STRN3: variants seen among roughly 807,000 people sequenced by gnomAD.
The protein encoded by STRN3 is striatin-3.
In STRN3, 29 loss-of-function variants were observed where a neutral mutation model predicts 95.6. That is an observed-to-expected ratio of 0.30 (90% CI 0.23 to 0.41). STRN3 has a LOEUF of 0.41. STRN3 is among the 10% of genes least tolerant of loss of function. The probability of loss-of-function intolerance (pLI) is 1.00; values close to 1 mark genes in which losing one functional copy is unlikely to be tolerated. For synonymous variants in STRN3, 331 were observed against 357.6 expected (o/e 0.93, Z 0.84); for missense variants, 890 against 972.1 (o/e 0.92, Z 1.12).
At chr14:31,015,492 C>A (rs1486469717) in intron 1 of STRN3, among the ~76,000 whole-genome samples, 2 of 152,006 alleles carry the variant, frequency 1.3e-5, no homozygotes, top group Non-Finnish European at 2.9e-5. Flanking sequence ...CCTGTCTCAG[C>A]CTCCTGAGTA....
chr14:31,020,820 C>G (rs1444222202), intron 1 of STRN3, among the ~76,000 whole-genome samples: 4 of 151,952 alleles, frequency 2.6e-5, no homozygotes, highest in Non-Finnish European at 5.9e-5. Flanking sequence ...GCAGGAGGAT[C>G]AGTTGAGCTC....
intron 1 of STRN3, among the ~76,000 whole-genome samples, chr14:30,979,976 C>G (rs962233267): frequency 3.1e-5 from 4 of 127,436 alleles, no homozygotes; most frequent in Non-Finnish European, 7.0e-5. Flanking sequence ...AGGCCAGGTG[C>G]GGTGGCTCAC....
At chr14:31,008,870 C>T (rs1004394025) in intron 1 of STRN3, among the ~76,000 whole-genome samples, 1 of 151,686 alleles carries the variant, frequency 6.6e-6, no homozygotes, top group East Asian at 2.0e-4. Flanking sequence ...GAAACCTTGT[C>T]TCTACAAAAA....
At chr14:31,016,606 C>T (rs1883247699) in intron 1 of STRN3, among the ~76,000 whole-genome samples, 1 of 152,024 alleles carries the variant, frequency 6.6e-6, no homozygotes, top group African/African-American at 2.4e-5. Context: ...TGCAGTGGCG[C>T]GATCTCGACT....
chr14:30,932,337 T>A (rs918288003), intron 7 of STRN3: 2 of 152,166 alleles, frequency 1.3e-5, no homozygotes, highest in Non-Finnish European at 2.9e-5. Flanking sequence ...TTCTGGCAAA[T>A]GAATTCCATA....
intron 1 of STRN3, among the ~76,000 whole-genome samples, chr14:31,011,205 T>C (rs994465512): frequency 6.6e-6 from 1 of 152,198 alleles, no homozygotes; most frequent in African/African-American, 2.4e-5. Context: ...TCCTGTGGAC[T>C]TTTTCTGCAT....
At chr14:30,983,700 TAAG>T (rs1881522925) in intron 1 of STRN3, among the ~76,000 whole-genome samples, 2 of 152,156 alleles carry the variant, frequency 1.3e-5, no homozygotes, top group Non-Finnish European at 1.5e-5. Context: ...TTAAGAGAGT[TAAG>T]AAAGTAAAGA....
chr14:30,912,243 G>C, intron 10 of STRN3, 61 bp from the exon 11 acceptor site: 2 of 1,496,158 alleles, frequency 1.3e-6, no homozygotes, highest in Non-Finnish European at 1.8e-6. Context: ...CATGTGGAGT[G>C]TTTGTTCGTT....
chr14:31,009,415 G>GGTTATCACCTGCCTC (rs1566490263), intron 1 of STRN3, among the ~76,000 whole-genome samples: 58 of 152,120 alleles, frequency 3.8e-4, no homozygotes, highest in Non-Finnish European at 7.5e-4. Flanking sequence ...GCCTCCAAAT[G>GGTTATCACCTGCCTC]TGATAACCAA....
At chr14:30,984,127 G>GCCC (rs59078202) in intron 1 of STRN3, among the ~76,000 whole-genome samples, 856 of 81,398 alleles carry the variant, frequency 0.011, 16 homozygotes, top group African/African-American at 0.027. Flanking sequence ...CATCTTCCCC[G>GCCC]CCCCCCCCAA....
intron 1 of STRN3, among the ~76,000 whole-genome samples, chr14:30,985,245 T>C (rs1881624380): frequency 6.7e-6 from 1 of 149,234 alleles, no homozygotes; most frequent in Non-Finnish European, 1.5e-5. Flanking sequence ...GAGGCAGAGG[T>C]TGCAGTGAGC....
At chr14:31,002,460 G>GT (rs1430867362) in intron 1 of STRN3, among the ~76,000 whole-genome samples, 2 of 106,214 alleles carry the variant, frequency 1.9e-5, no homozygotes, top group Non-Finnish European at 3.6e-5. Context: ...GACAGAGGAA[G>GT]ACTCTGTCTC....
intron 1 of STRN3, among the ~76,000 whole-genome samples, chr14:30,973,534 T>C (rs531451352): frequency 3.9e-5 from 6 of 152,316 alleles, no homozygotes; most frequent in African/African-American, 1.4e-4. Context: ...CACTGGTGAA[T>C]TCCACCAGCA....
intron 5 of STRN3, among the ~76,000 whole-genome samples, chr14:30,940,815 A>C (rs532016148): frequency 7.9e-5 from 12 of 152,026 alleles, no homozygotes; most frequent in Non-Finnish European, 1.5e-4. Context: ...GACCCTCTCA[A>C]CTTGATCTTT....
intron 7 of STRN3, among the ~76,000 whole-genome samples, chr14:30,932,717 C>T (rs1368874315): frequency 1.3e-5 from 2 of 152,118 alleles, no homozygotes; most frequent in African/African-American, 4.8e-5. Flanking sequence ...ATCGGTTGTA[C>T]ATAATATAGA....
At chr14:30,987,196 G>A (rs549545968) in intron 1 of STRN3, among the ~76,000 whole-genome samples, 244 of 152,162 alleles carry the variant, frequency 1.6e-3, no homozygotes, top group African/African-American at 5.1e-3. Flanking sequence ...CATGGCAGCC[G>A]GAAAAAGAAA....
intron 1 of STRN3, among the ~76,000 whole-genome samples, chr14:30,959,629 C>T (rs1021899010): frequency 2.0e-4 from 31 of 152,006 alleles, no homozygotes; most frequent in African/African-American, 7.0e-4. Flanking sequence ...TAAAAGTAAC[C>T]TCAAAAAACA....
chr14:30,918,523 A>T (rs2889998), intron 9 of STRN3, among the ~76,000 whole-genome samples: 1 of 19,234 alleles, frequency 5.2e-5, no homozygotes, highest in East Asian at 6.8e-4. Flanking sequence ...AAAAAAAAAG[A>T]AAAAAAAAAA....
intron 1 of STRN3, among the ~76,000 whole-genome samples, chr14:31,002,242 G>A (rs1418888423): frequency 6.6e-6 from 1 of 150,932 alleles, no homozygotes; most frequent in Non-Finnish European, 1.5e-5. Flanking sequence ...GGGAGGCTGA[G>A]GCAGGCGGAT....
Sources: gnomAD v4.1 joint callset for allele counts (sites outside exome capture counted in the v4.1 genomes callset) on GRCh38, gnomAD v4.1.1 for gene constraint, MANE v1.5 for transcripts, NCBI Gene and HGNC (gene_info 2026-07-23, HGNC 2026-07-21) for gene names.